Variants in PDCD6 observed in about 807,000 individuals in gnomAD.
The protein encoded by PDCD6 is programmed cell death protein 6.
In PDCD6, 12 loss-of-function variants were observed where a neutral mutation model predicts 28.3. That is an observed-to-expected ratio of 0.42 (90% CI 0.27 to 0.69). PDCD6 has a LOEUF of 0.69. Among genes scored for constraint, PDCD6 ranks in the 30% least tolerant of loss-of-function variants. PDCD6 has a pLI of 0.22. For synonymous variants in PDCD6, 92 were observed against 108.0 expected, an observed-to-expected ratio of 0.85 and a Z score of 0.92; for missense variants, 226 against 269.9, an observed-to-expected ratio of 0.84 and a Z score of 1.14.
intron 2 of PDCD6, among the ~76,000 whole-genome samples, chr5:295,156 C>A (rs982833736): frequency 6.6e-6 from 1 of 151,962 alleles, no homozygotes; most frequent in Non-Finnish European, 1.5e-5. Flanking sequence ...TGCCACAAGT[C>A]AAAGACAGAG....
intron 1 of PDCD6, 60 bp downstream of exon 1, chr5:271,881 C>T: frequency 1.1e-6 from 1 of 871,458 alleles, no homozygotes; most frequent in East Asian, 3.2e-5. Flanking sequence ...CGACCCCTGT[C>T]CCGACTCCCC....
intron 2 of PDCD6, among the ~76,000 whole-genome samples, chr5:292,062 G>A (rs1026560454): frequency 6.6e-6 from 1 of 152,112 alleles, no homozygotes; most frequent in Non-Finnish European, 1.5e-5. Flanking sequence ...CCCAACACTG[G>A]CATGGATTGG....
chr5:275,002 C>T (rs149891400), intron 2 of PDCD6, among the ~76,000 whole-genome samples: 2,178 of 152,202 alleles, frequency 0.014, 30 homozygotes, highest in East Asian at 0.057. Context: ...ACCCTCTCAC[C>T]GTGGTCCCAA....
chr5:271,673 G>C lies in PDCD6; in HGVS notation c.-48G>C. 9.0e-7 allele frequency: 1 copy of C among 1,109,268 alleles called. No individual in the cohort carries two copies. The highest frequency in any genetic ancestry group is 1.3e-5 in the South Asian group (1 of 75,888). 68.7% of individuals were successfully genotyped at this position (1,109,268 alleles called of 1,614,324 possible). ...AGGCGGAAGCGGAGTCGGCCTGAGA[G>C]GTCTCTCGTCGCTGCAGGCGCCTCA... On this transcript the variant is annotated 5_prime_UTR_variant, in exon 1 of 6. Coordinates refer to ENST00000264933, the MANE Select transcript of PDCD6 (RefSeq NM_013232.4).
chr5:302,392 GCTC>G (rs1486322450), intron 2 of PDCD6, among the ~76,000 whole-genome samples: 2 of 125,132 alleles, frequency 1.6e-5, no homozygotes, highest in African/African-American at 4.0e-5. Context: ...GTGGAGTGCT[GCTC>G]TGTGTGTATG....
At position 282,761 on chromosome 5, in the gene PDCD6, G is replaced by A. The variant is rs12187744; in HGVS notation, c.163+9989G>A. 8.6e-3 allele frequency among the ~76,000 whole-genome samples: 1,307 copies of A among 151,238 alleles called. 27 individuals are homozygous for A. The highest frequency in any genetic ancestry group is 0.03 in the African/African-American group (1,252 of 41,478). On this transcript the variant is annotated intron_variant, in intron 2 of 5. Coordinates refer to ENST00000264933, the MANE Select transcript of PDCD6 (RefSeq NM_013232.4). Reference sequence around the variant, plus strand: ...ACTGGAGACCTGGAGAGAAGCTGATGTTCTAGTTTGAGGGTCTTGCTGCTG... The same window carrying A: ...ACTGGAGACCTGGAGAGAAGCTGATATTCTAGTTTGAGGGTCTTGCTGCTG...
In PDCD6 at chr5:289,585, C is replaced by G. The variant is rs185090565; in HGVS notation, c.164-14592C>G. 6.8e-4 allele frequency: 614 copies of G among 904,520 alleles called. 1 individual carries two copies. In the African/African-American group the frequency reaches 8.7e-3, roughly 13 times the overall value. 56.0% of individuals were successfully genotyped at this position (904,520 alleles called of 1,614,324 possible). On this transcript the variant is annotated intron_variant, in intron 2 of 5. Transcript: ENST00000264933. ...TTCGCCTTTTTTGTCAAACATGAGT[C>G]TTTTTACCTCATGCCCCTCAGCTTC... is the stretch of plus-strand genomic sequence containing the variant.
chr5:289,989 C>G, intron 2 of PDCD6: 1 of 1,601,048 alleles, frequency 6.2e-7, no homozygotes, highest in Non-Finnish European at 8.5e-7. Context: ...TATAGTTTCT[C>G]CTTGGATCTG....
At chr5:276,152 C>T (rs2126682028) in intron 2 of PDCD6, 4 of 921,760 alleles carry the variant, frequency 4.3e-6, no homozygotes, top group East Asian at 6.7e-5. Context: ...TCACTTGAGC[C>T]TGGGAGGTTG....
At chr5:276,826 TGTTTGCAC>T (rs1278312630) in intron 2 of PDCD6, 1 of 985,324 alleles carries the variant, frequency 1.0e-6, no homozygotes, top group Non-Finnish European at 1.2e-6. Flanking sequence ...TCATGAGACT[TGTTTGCAC>T]AGGAGAGCTG....
chr5:290,338 T>A, intron 2 of PDCD6: 2 of 1,195,902 alleles, frequency 1.7e-6, no homozygotes, highest in Non-Finnish European at 2.5e-6. Flanking sequence ...CTGGAGTCCC[T>A]CACAGCCTCC....
intron 2 of PDCD6, among the ~76,000 whole-genome samples, chr5:274,002 A>G (rs552205772): frequency 6.6e-6 from 1 of 151,810 alleles, no homozygotes; most frequent in South Asian, 2.1e-4. Context: ...GGCTACTAGA[A>G]AGAGATGTCA....
At chr5:277,895 G>T (rs867931264) in intron 2 of PDCD6, among the ~76,000 whole-genome samples, 1 of 141,118 alleles carries the variant, frequency 7.1e-6, no homozygotes, top group Non-Finnish European at 1.5e-5. Context: ...AGCCTGGGGG[G>T]CAGTGAGACT....
chr5:278,735 GAA>G (rs1738364433), intron 2 of PDCD6, among the ~76,000 whole-genome samples: 1 of 137,434 alleles, frequency 7.3e-6, no homozygotes, highest in South Asian at 2.4e-4. Flanking sequence ...AGGAAAGAAA[GAA>G]AATGAAAAAA....
At chr5:308,123 T>C (rs959213211) in intron 4 of PDCD6, 6 of 152,288 alleles carry the variant, frequency 3.9e-5, no homozygotes, top group Non-Finnish European at 8.8e-5. Flanking sequence ...GTGCTGCCGA[T>C]TGCGGCCAGG....
At chr5:314,239 G>C (rs181465875) in intron 5 of PDCD6, among the ~76,000 whole-genome samples, 178 bp from the exon 6 acceptor site, 2 of 152,142 alleles carry the variant, frequency 1.3e-5, no homozygotes, top group Non-Finnish European at 2.9e-5. Flanking sequence ...TTCGTTCTTC[G>C]CACTCCCACC....
rs1433839790 is a variant in PDCD6 at position 286,798 on chromosome 5, A to G, written c.163+14026A>G. The stretch of plus-strand genomic sequence containing the variant: ...TTGTGTGTTGTGCAGCTGCAGATCC[A>G]GGGATGAGATGGTCCTGCGGTTCAA... On this transcript the variant is annotated intron_variant, in intron 2 of 5. Transcript: ENST00000264933. Among the ~76,000 whole-genome samples, 3 of 152,284 alleles carry G rather than the reference A, an allele frequency of 2.0e-5. No individual in the cohort carries two copies. In the East Asian group the frequency reaches 5.8e-4, roughly 29 times the overall value.
intron 4 of PDCD6, chr5:310,097 GTTCT>G (rs1276891826): frequency 2.8e-5 from 6 of 215,070 alleles, no homozygotes; most frequent in Middle Eastern, 1.7e-3. Flanking sequence ...CCCAGGCTCT[GTTCT>G]CAGCAGGCTG....
chr5:299,648 CA>C (rs1299562784), intron 2 of PDCD6, among the ~76,000 whole-genome samples: 4 of 151,898 alleles, frequency 2.6e-5, no homozygotes, highest in Admixed American at 6.5e-5. Flanking sequence ...CTCCCGGGTT[CA>C]CGCCATTCTC....
Sources: allele counts gnomAD v4.1 joint callset (sites outside exome capture counted in the v4.1 genomes callset), GRCh38; gene constraint gnomAD v4.1.1; transcripts MANE v1.5; gene names NCBI Gene and HGNC (gene_info 2026-07-23, HGNC 2026-07-21).